JAZF1: variants seen among roughly 807,000 people sequenced by gnomAD.
JAZF1 encodes the protein juxtaposed with another zinc finger protein 1.
In JAZF1, 8 loss-of-function variants were observed where a neutral mutation model predicts 26.4. The ratio of observed to expected loss-of-function variants is 0.30; its 90% confidence interval spans 0.18 to 0.55. The LOEUF is 0.55. Ranked by LOEUF, JAZF1 falls within the 20% of genes least tolerant of loss-of-function variation. The probability of loss-of-function intolerance (pLI) is 0.94; values close to 1 mark genes in which losing one functional copy is unlikely to be tolerated. For synonymous variants in JAZF1, 126 were observed against 122.3 expected, an observed-to-expected ratio of 1.03 and a Z score of -0.20; for missense variants, 199 against 322.0, an observed-to-expected ratio of 0.62 and a Z score of 2.92.
rs369230299 is a variant in JAZF1 at position 28,073,148 on chromosome 7, G to A, written c.116-81167C>T. Among the ~76,000 whole-genome samples, 58 of 152,286 alleles carry A rather than the reference G, an allele frequency of 3.8e-4. No individual in the cohort carries two copies. The South Asian group carries it at 9.7e-3, about 26-fold the overall frequency. ...CGTCTTCTAAATTTCCTTCATCCGA[G>A]TTGGAGATGACCCTCTCCAATCCCC... On this transcript the variant is annotated intron_variant, in intron 1 of 4. Transcript: ENST00000283928.
At chr7:27,925,196 G>A (rs1443882738) in intron 2 of JAZF1, among the ~76,000 whole-genome samples, 1 of 152,124 alleles carries the variant, frequency 6.6e-6, no homozygotes, top group African/African-American at 2.4e-5. Flanking sequence ...GAATAATGTA[G>A]GTAATTCAGC....
At chr7:27,944,860 GA>G (rs552090458) in intron 2 of JAZF1, among the ~76,000 whole-genome samples, 1 of 149,718 alleles carries the variant, frequency 6.7e-6, no homozygotes, top group Non-Finnish European at 1.5e-5. Context: ...CCAAGGGACA[GA>G]AAAAAAAAAT....
chr7:27,884,851 G>A (rs1783831204), intron 3 of JAZF1, among the ~76,000 whole-genome samples: 1 of 152,058 alleles, frequency 6.6e-6, no homozygotes, highest in African/African-American at 2.4e-5. Flanking sequence ...CTCCTCTTTG[G>A]TAAATACCTA....
At chr7:27,956,407 C>T (rs1369127860) in intron 2 of JAZF1, among the ~76,000 whole-genome samples, 1 of 152,186 alleles carries the variant, frequency 6.6e-6, no homozygotes, top group Non-Finnish European at 1.5e-5. Flanking sequence ...GTAACCCAGG[C>T]ATTCCGAAGA....
At chr7:27,892,612 C>T (rs1211750912) in intron 3 of JAZF1, among the ~76,000 whole-genome samples, 1 of 152,134 alleles carries the variant, frequency 6.6e-6, no homozygotes, top group Non-Finnish European at 1.5e-5. Context: ...AGTATCATAG[C>T]AATACCCAGA....
At position 27,831,300 on chromosome 7, in the gene JAZF1, G is replaced by T. The variant is rs542566615; in HGVS notation, c.*1500C>A. 9.1e-4 allele frequency: 207 copies of T among 226,806 alleles called. No individual in the cohort carries two copies. The highest frequency in any genetic ancestry group is 4.3e-3 in the African/African-American group (194 of 45,112). The allele number at this position is 226,806 out of a possible 1,614,324, so 14.0% of individuals were successfully genotyped here. ...ATTGAGGAGGGACCCCTGCTTCCCA[G>T]TTATATGTGATGTAAGACTTTTCAT... On this transcript the variant is annotated 3_prime_UTR_variant, in exon 5 of 5. Transcript: ENST00000283928.
At chr7:27,896,540 A>G (rs1784066323) in intron 2 of JAZF1, among the ~76,000 whole-genome samples, 1 of 152,228 alleles carries the variant, frequency 6.6e-6, no homozygotes, top group Non-Finnish European at 1.5e-5. Flanking sequence ...GACTATTTCA[A>G]TATAATTTAT....
At chr7:27,911,242 T>A (rs893579029) in intron 2 of JAZF1, among the ~76,000 whole-genome samples, 5 of 152,242 alleles carry the variant, frequency 3.3e-5, no homozygotes, top group Admixed American at 6.5e-5. Context: ...TGGATGTTAA[T>A]ATTAAAGAAG....
At chr7:28,022,534 A>G (rs998135771) in intron 1 of JAZF1, among the ~76,000 whole-genome samples, 2 of 152,234 alleles carry the variant, frequency 1.3e-5, no homozygotes, top group Non-Finnish European at 2.9e-5. Context: ...TTTGTTGATC[A>G]AAAATAACAG....
At chr7:27,939,371 T>C (rs1583471635) in intron 2 of JAZF1, among the ~76,000 whole-genome samples, 1 of 152,202 alleles carries the variant, frequency 6.6e-6, no homozygotes, top group South Asian at 2.1e-4. Flanking sequence ...AGCAGCACTG[T>C]GGCAGGGGAG....
chr7:27,982,313 T>TGGCTCAGAGGGTCCCACGCCC (rs200213279), intron 2 of JAZF1, among the ~76,000 whole-genome samples: 34,892 of 151,722 alleles, frequency 0.23, 4,388 homozygotes, highest in East Asian at 0.48. Flanking sequence ...ATCCCGCGCA[T>TGGCTCAGAGGGTCCCACGCCC]GGCTCAGAGG....
intron 1 of JAZF1, among the ~76,000 whole-genome samples, chr7:28,078,522 T>C (rs180873719): frequency 6.6e-6 from 1 of 152,338 alleles, no homozygotes; most frequent in East Asian, 1.9e-4. Flanking sequence ...GAAAATTATT[T>C]TGTGAACTGA....
intron 1 of JAZF1, among the ~76,000 whole-genome samples, chr7:28,098,119 A>C (rs527607789): frequency 1.3e-5 from 2 of 152,266 alleles, no homozygotes; most frequent in African/African-American, 4.8e-5. Context: ...TTTGGAGTGA[A>C]GCCTTTGGGA....
intron 1 of JAZF1, among the ~76,000 whole-genome samples, chr7:28,101,129 GA>G (rs1784464425): frequency 6.6e-6 from 1 of 152,152 alleles, no homozygotes; most frequent in Non-Finnish European, 1.5e-5. Context: ...CAGCATTCCA[GA>G]TAACAATAGA....
At chr7:27,935,232 T>A (rs536228295) in intron 2 of JAZF1, among the ~76,000 whole-genome samples, 2 of 152,344 alleles carry the variant, frequency 1.3e-5, no homozygotes, top group East Asian at 3.9e-4. Context: ...ATTGGAATCG[T>A]CACCTATTGT....
intron 2 of JAZF1, among the ~76,000 whole-genome samples, chr7:27,928,541 A>T (rs1784633101): frequency 6.6e-6 from 1 of 152,206 alleles, no homozygotes; most frequent in Non-Finnish European, 1.5e-5. Context: ...TCTAAAGGAC[A>T]CTAATTCTTT....
chr7:27,974,017 A>C (rs1057340722), intron 2 of JAZF1, among the ~76,000 whole-genome samples: 3 of 152,218 alleles, frequency 2.0e-5, no homozygotes, highest in South Asian at 2.1e-4. Context: ...AACAGGGGTG[A>C]GGAGATGAGA....
At chr7:28,043,914 G>A (rs1177810425) in intron 1 of JAZF1, among the ~76,000 whole-genome samples, 1 of 152,086 alleles carries the variant, frequency 6.6e-6, no homozygotes, top group African/African-American at 2.4e-5. Flanking sequence ...TCAACTTAGA[G>A]GAAAAATCCA....
chr7:28,102,712 T>C (rs1332097235), intron 1 of JAZF1, among the ~76,000 whole-genome samples: 1 of 152,236 alleles, frequency 6.6e-6, no homozygotes, highest in Non-Finnish European at 1.5e-5. Context: ...GTCTTTCCTT[T>C]TGCTTCTCTG....
Sources: gnomAD v4.1 joint callset for allele counts (sites outside exome capture counted in the v4.1 genomes callset) on GRCh38, gnomAD v4.1.1 for gene constraint, MANE v1.5 for transcripts, NCBI Gene and HGNC (gene_info 2026-07-23, HGNC 2026-07-21) for gene names.